LINGO2: variants seen among roughly 807,000 people sequenced by gnomAD.
LINGO2 encodes the protein leucine rich repeat and Ig domain containing 2.
Under a neutral mutation model 30.6 loss-of-function variants are expected in LINGO2, and 14 were observed. The observed-to-expected ratio is 0.46, with a 90% CI of 0.30 to 0.72. LINGO2 has a LOEUF of 0.72. Ranked by LOEUF, LINGO2 falls within the 30% of genes least tolerant of loss-of-function variation. The probability of loss-of-function intolerance (pLI) is 0.07; values close to 1 mark genes in which losing one functional copy is unlikely to be tolerated. For missense variants in LINGO2, 729 were observed against 751.7 expected, an observed-to-expected ratio of 0.97 and a Z score of 0.35; for synonymous variants, 317 against 288.5, an observed-to-expected ratio of 1.10 and a Z score of -1.00.
At chr9:28,726,779 T>C in the LINGO2 span, among the ~76,000 whole-genome samples, 1 of 152,250 alleles carries the variant, frequency 6.6e-6, no homozygotes, top group African/African-American at 2.4e-5. Flanking sequence ...CATGATGATA[T>C]ACATCTAAAT....
At chr9:28,195,715 A>G (rs1819988137) in intron 4 of LINGO2, among the ~76,000 whole-genome samples, 2 of 151,538 alleles carry the variant, frequency 1.3e-5, no homozygotes, top group African/African-American at 4.8e-5. Flanking sequence ...TCCAATAAAT[A>G]AGTAAATCTC....
chr9:28,359,403 A>G (rs1820356175), intron 3 of LINGO2, among the ~76,000 whole-genome samples: 1 of 152,114 alleles, frequency 6.6e-6, no homozygotes, highest in Admixed American at 6.6e-5. Context: ...CACAAAACAA[A>G]CAAAAAGAAA....
At chr9:28,931,913 G>A in the LINGO2 span, among the ~76,000 whole-genome samples, 2 of 151,100 alleles carry the variant, frequency 1.3e-5, no homozygotes, top group South Asian at 4.2e-4. Context: ...TTCGAGATCA[G>A]CCTGGCCAAT....
the LINGO2 span, among the ~76,000 whole-genome samples, chr9:28,988,064 T>C: frequency 6.6e-6 from 1 of 152,194 alleles, no homozygotes; most frequent in African/African-American, 2.4e-5. Flanking sequence ...TGAAGTGTTG[T>C]TCAGTTCCAG....
chr9:28,075,764 A>C (rs914333422), intron 4 of LINGO2, among the ~76,000 whole-genome samples: 1 of 151,708 alleles, frequency 6.6e-6, no homozygotes, highest in African/African-American at 2.4e-5. Context: ...GTCTTTTCTA[A>C]TTGATTTGAA....
the LINGO2 span, among the ~76,000 whole-genome samples, chr9:28,764,296 T>C: frequency 6.6e-6 from 1 of 151,760 alleles, no homozygotes; most frequent in African/African-American, 2.4e-5. Context: ...ACACATCAAA[T>C]AGATTATATA....
At chr9:28,706,273 A>G in the LINGO2 span, among the ~76,000 whole-genome samples, 993 of 152,256 alleles carry the variant, frequency 6.5e-3, 5 homozygotes, top group Non-Finnish European at 0.011. Context: ...AAAACAGAGA[A>G]CATATTAAGG....
the LINGO2 span, among the ~76,000 whole-genome samples, chr9:29,058,153 T>G: frequency 6.6e-6 from 1 of 152,044 alleles, no homozygotes; most frequent in East Asian, 1.9e-4. Flanking sequence ...AAAATGAAAT[T>G]AGCAGACAAG....
At chr9:28,174,164 G>A (rs1232765928) in intron 4 of LINGO2, among the ~76,000 whole-genome samples, 1 of 152,152 alleles carries the variant, frequency 6.6e-6, no homozygotes, top group Non-Finnish European at 1.5e-5. Flanking sequence ...AGAGGATTTG[G>A]CTTAGTGTGG....
chr9:28,674,651 T>C (rs1003865688), upstream of LINGO2, among the ~76,000 whole-genome samples: 1 of 152,172 alleles, frequency 6.6e-6, no homozygotes, highest in South Asian at 2.1e-4. Context: ...CTATATGACA[T>C]CTTCTCTCAA....
intron 3 of LINGO2, among the ~76,000 whole-genome samples, chr9:28,347,637 T>C (rs1819643081): frequency 6.6e-6 from 1 of 152,210 alleles, no homozygotes; most frequent in African/African-American, 2.4e-5. Context: ...CTTAGTTACA[T>C]GTTCGAATAA....
chr9:28,574,817 G>A lies in LINGO2; in HGVS notation c.-365+95383C>T, dbSNP rs546120177. On this transcript the variant is annotated intron_variant, in intron 1 of 5. Transcript: ENST00000379992. ...TTCATCTCTAGTTGAGGGACATAAG[G>A]CAATTCACTCAACATTCTGGGCTTC... Among the ~76,000 whole-genome samples, 5 of 152,190 alleles carry A rather than the reference G, an allele frequency of 3.3e-5. No homozygotes were observed. In the East Asian group the frequency reaches 7.7e-4, roughly 24 times the overall value.
intron 1 of LINGO2, among the ~76,000 whole-genome samples, chr9:28,483,578 T>C (rs1826057940): frequency 6.6e-6 from 1 of 151,838 alleles, no homozygotes; most frequent in South Asian, 2.1e-4. Flanking sequence ...GAACTGTAAC[T>C]AGGATGGTAG....
the LINGO2 span, among the ~76,000 whole-genome samples, chr9:28,878,189 A>G: frequency 6.6e-6 from 1 of 152,206 alleles, no homozygotes; most frequent in Non-Finnish European, 1.5e-5. Context: ...ACAATCTACC[A>G]TCAGAGAATA....
At chr9:28,884,770 GTATA>G in the LINGO2 span, among the ~76,000 whole-genome samples, 2 of 140,198 alleles carry the variant, frequency 1.4e-5, no homozygotes, top group South Asian at 2.2e-4. Context: ...TATAGTGTGT[GTATA>G]TATATATAGT....
intron 4 of LINGO2, among the ~76,000 whole-genome samples, chr9:28,237,519 T>G (rs1821617830): frequency 6.6e-6 from 1 of 151,744 alleles, no homozygotes; most frequent in Admixed American, 6.6e-5. Context: ...CTGAATGGAT[T>G]AAAAAAAACA....
intron 4 of LINGO2, among the ~76,000 whole-genome samples, chr9:28,187,238 C>G (rs986299211): frequency 6.6e-6 from 1 of 152,148 alleles, no homozygotes; most frequent in African/African-American, 2.4e-5. Context: ...CACATGTAAT[C>G]TCAGCACTTT....
At chr9:27,954,607 A>C (rs1819476622) in intron 5 of LINGO2, among the ~76,000 whole-genome samples, 1 of 152,144 alleles carries the variant, frequency 6.6e-6, no homozygotes, top group South Asian at 2.1e-4. Flanking sequence ...ATGGACACTT[A>C]GATTGATTCT....
the LINGO2 span, among the ~76,000 whole-genome samples, chr9:29,141,617 G>C: frequency 4.0e-5 from 6 of 151,580 alleles, no homozygotes; most frequent in African/African-American, 1.5e-4. Flanking sequence ...TAGATGAATA[G>C]ATGAAAAAAT....
Sources: gnomAD v4.1 joint callset for allele counts (sites outside exome capture counted in the v4.1 genomes callset) on GRCh38, gnomAD v4.1.1 for gene constraint, MANE v1.5 for transcripts, NCBI Gene and HGNC (gene_info 2026-07-23, HGNC 2026-07-21) for gene names.